The following DOCK5 variants were observed in gnomAD, a reference collection of about 807,000 sequenced individuals.
DOCK5 encodes dedicator of cytokinesis 5, also known as dedicator of cytokinesis protein 5.
Under a neutral mutation model 251.8 loss-of-function variants are expected in DOCK5, and 142 were observed. The ratio of observed to expected loss-of-function variants is 0.56; its 90% CI spans 0.49 to 0.65. The LOEUF (loss-of-function observed/expected upper bound fraction) is 0.65. DOCK5 is among the 30% of genes least tolerant of loss of function. The pLI is 0.00. For missense variants in DOCK5, 2,111 were observed against 2,312.3 expected (o/e 0.91, Z 1.79); for synonymous variants, 842 against 835.5 (o/e 1.01, Z -0.13).
intron 1 of DOCK5, among the ~76,000 whole-genome samples, chr8:25,189,692 G>A (rs1563301083): frequency 6.6e-6 from 1 of 151,980 alleles, no homozygotes; most frequent in Admixed American, 6.6e-5. Flanking sequence ...ATTGTTGCAT[G>A]TTGGGATTTG....
intron 4 of DOCK5, among the ~76,000 whole-genome samples, chr8:25,275,995 A>G (rs981392237): frequency 1.4e-4 from 22 of 152,196 alleles, no homozygotes; most frequent in Non-Finnish European, 3.1e-4. Context: ...TACTAAACAC[A>G]GAAGTAGCAA....
chr8:25,197,190 G>T (rs1050096064), intron 1 of DOCK5, among the ~76,000 whole-genome samples: 1 of 152,100 alleles, frequency 6.6e-6, no homozygotes, highest in Non-Finnish European at 1.5e-5. Flanking sequence ...GCATACCTCC[G>T]GAATAATGGG....
intron 13 of DOCK5, among the ~76,000 whole-genome samples, chr8:25,312,028 G>A (rs1805110611): frequency 6.6e-6 from 1 of 152,132 alleles, no homozygotes; most frequent in Non-Finnish European, 1.5e-5. Context: ...TTGTCTACAT[G>A]TAGTGGGTCT....
chr8:25,336,199 G>T (rs538616505), intron 21 of DOCK5, 40 bp from the exon 22 acceptor site: 35 of 1,594,184 alleles, frequency 2.2e-5, no homozygotes, highest in South Asian at 3.4e-5. Flanking sequence ...AGAGTATCCT[G>T]TTGCTCATTG....
intron 33 of DOCK5, among the ~76,000 whole-genome samples, chr8:25,369,079 A>G (rs10103395): frequency 0.49 from 75,228 of 152,050 alleles, 18,715 homozygotes; most frequent in Middle Eastern, 0.54. Context: ...AAGCAGTGCA[A>G]TGGATTAAGT....
chr8:25,403,603 G>T lies in DOCK5; in HGVS notation c.4972G>T (p.Val1658Leu). Residue 1658 changes from valine (V) to leucine (L), a missense_variant, in exon 48 of 52, where the codon GTG becomes TTG. Transcript: ENST00000276440. ...GAAGCAAAGCCGCACGGGGTCTATT[G>T]TGCTCCCCTACATCATGTCTTCCAC... ...ERKQSRTGSI[V>L]LPYIMSSTLR... The T allele has an allele frequency of 6.2e-7, 1 of 1,613,928 alleles. No individual in the cohort carries two copies. Among genetic ancestry groups the T allele is most frequent in the Non-Finnish European group, 8.5e-7 (1 of 1,179,856 alleles).
chr8:25,353,317 G>A (rs1800504569), intron 27 of DOCK5, among the ~76,000 whole-genome samples: 1 of 152,144 alleles, frequency 6.6e-6, no homozygotes, highest in Non-Finnish European at 1.5e-5. Flanking sequence ...TTCAGCCTGG[G>A]TGACTGAGTA....
intron 16 of DOCK5, 29 bp from the exon 17 acceptor site, chr8:25,323,819 T>C: frequency 6.2e-7 from 1 of 1,605,174 alleles, no homozygotes; most frequent in Non-Finnish European, 8.5e-7. Flanking sequence ...CTCTCTGCAC[T>C]GCTCAGACAT....
chr8:25,369,600 G>C lies in DOCK5; in HGVS notation c.3483G>C (p.Gly1161=), dbSNP rs1378908929. ...CAAAGCTGGACCAGGAGGTAGAAGG[G>C]GGCAGAGGAGACGAACAATACAAGG... The part of the protein sequence containing the change: ...LITKLDQEVE[G]GRGDEQYKVL... The change falls in exon 34 of 52, where the codon GGG becomes GGC. Residue 1161 remains glycine, a synonymous_variant. Coordinates refer to ENST00000276440, the MANE Select transcript of DOCK5 (RefSeq NM_024940.8). 6.2e-7 allele frequency: 1 copy of C among 1,611,862 alleles called. No individual in the cohort carries two copies. Among genetic ancestry groups the C allele is most frequent in the Non-Finnish European group, 8.5e-7 (1 of 1,179,030 alleles).
At position 25,345,538 on chromosome 8, in the gene DOCK5, C is replaced by A; in HGVS notation, c.2681C>A (p.Ser894Tyr). 6.2e-7 allele frequency: 1 copy of A among 1,613,908 alleles called. No homozygotes were observed. The stretch of plus-strand genomic sequence containing the variant: ...CTCAGCGGCCAGTTAGATGACAACT[C>A]CAACAAGCCTGACCACGAGGCAAGC... ...DQLSGQLDDNSNKPDHEASSQ... is the reference protein window; with the variant it reads ...DQLSGQLDDNYNKPDHEASSQ... The change falls in exon 26 of 52, where the codon TCC (serine) becomes TAC (tyrosine). Residue 894 changes from serine to tyrosine, a missense_variant. Ser to Tyr is a moderately radical substitution (Grantham distance 144). Coordinates refer to ENST00000276440, the MANE Select transcript of DOCK5 (RefSeq NM_024940.8).
At chr8:25,207,269 G>A (rs2117472488) in intron 1 of DOCK5, among the ~76,000 whole-genome samples, 1 of 152,330 alleles carries the variant, frequency 6.6e-6, no homozygotes, top group East Asian at 1.9e-4. Context: ...AGGTGAGGCA[G>A]CAAGTGCTGA....
intron 36 of DOCK5, among the ~76,000 whole-genome samples, chr8:25,374,099 T>C (rs1332786914): frequency 2.0e-5 from 3 of 152,072 alleles, no homozygotes; most frequent in Non-Finnish European, 2.9e-5. Context: ...TAAACACCAC[T>C]GCCTTAAAGA....
At chr8:25,378,683 G>A (rs757042483) in intron 38 of DOCK5, among the ~76,000 whole-genome samples, 1 of 152,146 alleles carries the variant, frequency 6.6e-6, no homozygotes, top group Non-Finnish European at 1.5e-5. Flanking sequence ...ACGTGCTTTA[G>A]CCTGTAACTT....
In DOCK5 at chr8:25,377,286, C is replaced by T. The variant is rs372308901; in HGVS notation, c.3817-19C>T. The stretch of plus-strand genomic sequence containing the variant: ...AATATTTGTTGTATTAACCGTGTGT[C>T]GCTTTTCTTCCTTTTCAGTGGTCTG... On this transcript the variant is annotated intron_variant, in intron 37 of 51. Coordinates refer to ENST00000276440, the MANE Select transcript of DOCK5 (RefSeq NM_024940.8). 1.0e-4 allele frequency: 164 copies of T among 1,599,716 alleles called. No homozygotes were observed. Among genetic ancestry groups the T allele is most frequent in the Middle Eastern group, 5.0e-4 (3 of 5,984 alleles).
At chr8:25,299,755 A>G (rs1232664817) in intron 8 of DOCK5, among the ~76,000 whole-genome samples, 1 of 152,148 alleles carries the variant, frequency 6.6e-6, no homozygotes, top group Non-Finnish European at 1.5e-5. Flanking sequence ...TGTGATGGGC[A>G]TTGTTCAGCC....
At chr8:25,336,625 A>T (rs575906599) in intron 22 of DOCK5, among the ~76,000 whole-genome samples, 1 of 152,346 alleles carries the variant, frequency 6.6e-6, no homozygotes, top group East Asian at 1.9e-4. Context: ...TCCTGTGGAA[A>T]GATTGTACCT....
intron 25 of DOCK5, 58 bp downstream of exon 25, chr8:25,342,565 G>T (rs1402837525): frequency 7.6e-7 from 1 of 1,321,500 alleles, no homozygotes; most frequent in African/African-American, 1.5e-5. Context: ...TTGCACCATT[G>T]CACTCCAGCC....
intron 5 of DOCK5, among the ~76,000 whole-genome samples, chr8:25,289,973 C>G (rs1804445807): frequency 6.6e-6 from 1 of 152,158 alleles, no homozygotes; most frequent in African/African-American, 2.4e-5. Context: ...CCTAAAGTAA[C>G]ATCCTTCCCC....
chr8:25,336,357 C>T lies in DOCK5; in HGVS notation c.2311C>T (p.Arg771Ter), dbSNP rs201935919. ...KYLFRFIIQS[R>*]VLYLRFYGQS... Reference sequence around the variant, plus strand: ...CTTGTTTAGATTCATCATCCAATCCCGAGTGCTCTACTTGAGGTAATGTTA... The same window carrying T: ...CTTGTTTAGATTCATCATCCAATCCTGAGTGCTCTACTTGAGGTAATGTTA... Residue 771 changes from arginine to a stop codon, truncating the protein, a stop_gained, in exon 22 of 52, where the codon CGA becomes TGA. Coordinates refer to ENST00000276440, the MANE Select transcript of DOCK5 (RefSeq NM_024940.8). LOFTEE classifies it high-confidence loss of function. The T allele has an allele frequency of 1.4e-5, 23 of 1,613,706 alleles. No individual in the cohort carries two copies. The highest frequency in any genetic ancestry group is 1.6e-5 in the Non-Finnish European group (19 of 1,179,790).
Sources: allele counts gnomAD v4.1 joint callset (sites outside exome capture counted in the v4.1 genomes callset), GRCh38; gene constraint gnomAD v4.1.1; transcripts MANE v1.5; gene names NCBI Gene and HGNC (gene_info 2026-07-23, HGNC 2026-07-21).